LAMA3: variants seen among roughly 807,000 people sequenced by gnomAD.
LAMA3 encodes the protein laminin subunit alpha 3, also known as laminin subunit alpha-3.
LAMA3 carries 281 observed loss-of-function variants against 402.0 expected under a neutral mutation model. The observed-to-expected ratio is 0.70, with a 90% CI of 0.63 to 0.77. The LOEUF (loss-of-function observed/expected upper bound fraction) is 0.77, where lower values mean the gene tolerates loss of function less well. Among genes scored for constraint, LAMA3 ranks in the 30% least tolerant of loss-of-function variants. The pLI is 0.00. For synonymous variants in LAMA3, 1,431 were observed against 1,558.4 expected, an observed-to-expected ratio of 0.92 and a Z score of 1.93; for missense variants, 3,840 against 4,215.5, an observed-to-expected ratio of 0.91 and a Z score of 2.47.
intron 2 of LAMA3, among the ~76,000 whole-genome samples, chr18:23,722,169 GTTCTGGGCCTTA>G (rs1309398584): frequency 6.6e-6 from 1 of 152,126 alleles, no homozygotes; most frequent in Non-Finnish European, 1.5e-5. Flanking sequence ...ATGTTCCCTG[GTTCTGGGCCTTA>G]TTTTGGTGCT....
intron 38 of LAMA3, 72 bp from the exon 39 acceptor site, chr18:23,876,222 G>C: frequency 1.0e-6 from 1 of 955,572 alleles, no homozygotes; most frequent in Non-Finnish European, 1.7e-6. Flanking sequence ...TTCACAGTGA[G>C]AGGTGTCACA....
chr18:23,923,746 G>A (rs1457816419), intron 62 of LAMA3, among the ~76,000 whole-genome samples: 2 of 152,170 alleles, frequency 1.3e-5, no homozygotes, highest in African/African-American at 4.8e-5. Flanking sequence ...CCCAGAGCCA[G>A]GAGGAATTCT....
intron 5 of LAMA3, among the ~76,000 whole-genome samples, chr18:23,753,385 C>T (rs538336867): frequency 6.6e-6 from 1 of 152,254 alleles, no homozygotes; most frequent in Non-Finnish European, 1.5e-5. Flanking sequence ...TTGTAAAGAA[C>T]ATAATGTAAA....
chr18:23,899,524 A>C (rs1184416372), intron 47 of LAMA3, 69 bp downstream of exon 47: 13 of 1,470,094 alleles, frequency 8.8e-6, no homozygotes, highest in Non-Finnish European at 3.8e-6. Flanking sequence ...TGCAGAGTGC[A>C]ATGTAGAGTT....
intron 3 of LAMA3, among the ~76,000 whole-genome samples, chr18:23,748,743 C>A (rs564190599): frequency 8.2e-5 from 9 of 109,786 alleles, no homozygotes; most frequent in African/African-American, 2.5e-4. Context: ...TGCAATGAGC[C>A]AAGACTGTGC....
At position 23,855,312 on chromosome 18, in the gene LAMA3, A is replaced by G. The variant is rs562591704; in HGVS notation, c.4137-2532A>G. On this transcript the variant is annotated intron_variant, in intron 32 of 74. Coordinates refer to ENST00000313654, the MANE Select transcript of LAMA3 (RefSeq NM_198129.4). Reference sequence around the variant, plus strand: ...TTCTTTCCTTCACTGCCAGGAAAAGAGAAGCAAGGTTCACCCAGCCTACGT... The same window carrying G: ...TTCTTTCCTTCACTGCCAGGAAAAGGGAAGCAAGGTTCACCCAGCCTACGT... Among the ~76,000 whole-genome samples, 14 of 152,370 alleles carry G rather than the reference A, an allele frequency of 9.2e-5. No individual in the cohort carries two copies. The East Asian group carries it at 2.3e-3, about 25-fold the overall frequency.
intron 12 of LAMA3, among the ~76,000 whole-genome samples, chr18:23,797,226 T>A (rs1380713536): frequency 6.6e-6 from 1 of 152,182 alleles, no homozygotes; most frequent in Non-Finnish European, 1.5e-5. Context: ...ACATTTTGTC[T>A]GTGATGGCCT....
intron 65 of LAMA3, 82 bp downstream of exon 65, chr18:23,931,283 C>A (rs1004074687): frequency 1.6e-6 from 2 of 1,267,126 alleles, no homozygotes; most frequent in African/African-American, 2.9e-5. Context: ...TGTCTTTTTG[C>A]AAAATATTTG....
At position 23,890,004 on chromosome 18, in the gene LAMA3, T is replaced by C; in HGVS notation, c.5304-7T>C. ...GGTGTTTCTCCTCCTCTCTATATTT[T>C]GTGTAGGTGTGCACCGGGATATTTC... On this transcript the variant is annotated splice_polypyrimidine_tract_variant and splice_region_variant and intron_variant, in intron 41 of 74. Transcript: ENST00000313654. 1 of 1,606,118 alleles carries C rather than the reference T, an allele frequency of 6.2e-7. No individual in the cohort carries two copies. Among genetic ancestry groups the C allele is most frequent in the Non-Finnish European group, 8.5e-7 (1 of 1,172,828 alleles).
chr18:23,743,574 C>T (rs1269952721), intron 2 of LAMA3, among the ~76,000 whole-genome samples: 1 of 152,194 alleles, frequency 6.6e-6, no homozygotes, highest in Non-Finnish European at 1.5e-5. Flanking sequence ...GAGCATGCAG[C>T]ACTGGGGTGA....
chr18:23,802,497 T>C (rs2062883380), intron 12 of LAMA3, among the ~76,000 whole-genome samples: 1 of 152,250 alleles, frequency 6.6e-6, no homozygotes. Context: ...TCTAGACATA[T>C]TCTTCCTTAC....
rs56876195 is a variant in LAMA3, at chr18:23,795,620, C to T, written c.1603+11463C>T. On this transcript the variant is annotated intron_variant, in intron 12 of 74. Transcript: ENST00000313654. ...CCTTACAATTTCACGTGACAGAAAA[C>T]TAGACCTAAACTGTTTAAGGCAAAA... Among the ~76,000 whole-genome samples, 207 of 152,132 alleles carry T rather than the reference C, an allele frequency of 1.4e-3. 4 individuals are homozygous for T. The East Asian group carries it at 0.036, about 26-fold the overall frequency.
At position 23,785,219 on chromosome 18, in the gene LAMA3, A is replaced by G. The variant is rs79483745; in HGVS notation, c.1603+1062A>G. On this transcript the variant is annotated intron_variant, in intron 12 of 74. Transcript: ENST00000313654. Reference sequence around the variant, plus strand: ...GTCTAATCTTATTCACACACTTCCAATTTGCAAACCCAATTGGCATCCAGA... The same window carrying G: ...GTCTAATCTTATTCACACACTTCCAGTTTGCAAACCCAATTGGCATCCAGA... Among the ~76,000 whole-genome samples, 1,056 of 152,244 alleles carry G rather than the reference A, an allele frequency of 6.9e-3. 10 individuals are homozygous for G. The highest frequency in any genetic ancestry group is 0.024 in the African/African-American group (1,016 of 41,548).
At position 23,871,534 on chromosome 18, in the gene LAMA3, CAG is replaced by C. The variant is rs774300722; in HGVS notation, c.4875_4876del (p.Glu1625AspfsTer16). 2 of 1,614,242 alleles carry C rather than the reference CAG, an allele frequency of 1.2e-6. No individual in the cohort carries two copies. Among genetic ancestry groups the C allele is most frequent in the East Asian group, 2.2e-5 (1 of 44,894 alleles). The stretch of plus-strand genomic sequence containing the variant: ...GTGCGCATCCAAGGCCTCTACTTCA[CAG>C]AGACTCAAAGGCTCACCCTGAGCGA... On this transcript the variant is annotated frameshift_variant, in exon 38 of 75. Transcript: ENST00000313654. LOFTEE classifies it high-confidence loss of function.
At chr18:23,950,970 T>C (rs181079426) in intron 72 of LAMA3, among the ~76,000 whole-genome samples, 13 of 152,338 alleles carry the variant, frequency 8.5e-5, no homozygotes, top group Admixed American at 7.2e-4. Flanking sequence ...CAAGACCCGA[T>C]GACCTTCATA....
intron 13 of LAMA3, 117 bp downstream of exon 13, chr18:23,810,620 G>A (rs370511546): frequency 6.2e-6 from 7 of 1,130,840 alleles, no homozygotes; most frequent in South Asian, 2.5e-5. Flanking sequence ...CCCACATCCT[G>A]CTTTCACAGA....
chr18:23,785,659 C>T (rs2062529506), intron 12 of LAMA3, among the ~76,000 whole-genome samples: 1 of 152,176 alleles, frequency 6.6e-6, no homozygotes, highest in Non-Finnish European at 1.5e-5. Context: ...CAGCCATCTC[C>T]CTGTTTGTTT....
At chr18:23,728,315 G>T (rs1432667360) in intron 2 of LAMA3, among the ~76,000 whole-genome samples, 2 of 152,124 alleles carry the variant, frequency 1.3e-5, no homozygotes, top group South Asian at 4.1e-4. Flanking sequence ...AGGTGCTCAG[G>T]GGGTAGGAGG....
At chr18:23,807,501 T>A (rs894933917) in intron 12 of LAMA3, among the ~76,000 whole-genome samples, 2 of 151,954 alleles carry the variant, frequency 1.3e-5, no homozygotes, top group Non-Finnish European at 2.9e-5. Context: ...TGTGTGTGTA[T>A]GTGTGTGTAG....
Sources: gnomAD v4.1 joint callset for allele counts (sites outside exome capture counted in the v4.1 genomes callset) on GRCh38, gnomAD v4.1.1 for gene constraint, MANE v1.5 for transcripts, NCBI Gene and HGNC (gene_info 2026-07-23, HGNC 2026-07-21) for gene names.